Variants in OLFM3 observed in about 807,000 individuals in gnomAD.
OLFM3 encodes noelin-3.
In OLFM3, 20 loss-of-function variants were observed where a neutral mutation model predicts 48.6. That is an observed-to-expected ratio of 0.41 (90% CI 0.29 to 0.60). The LOEUF (loss-of-function observed/expected upper bound fraction) is 0.60. Ranked by LOEUF, OLFM3 falls within the 20% of genes least tolerant of loss-of-function variation. The probability of loss-of-function intolerance (pLI) is 0.28; values close to 1 mark genes in which losing one functional copy is unlikely to be tolerated. For synonymous variants in OLFM3, 222 were observed against 198.1 expected (o/e 1.12, Z -1.01); for missense variants, 437 against 544.3 (o/e 0.80, Z 1.96).
chr1:101,948,452 T>TGAGA (rs141817550), intron 1 of OLFM3, among the ~76,000 whole-genome samples: 15,219 of 149,908 alleles, frequency 0.1, 1,063 homozygotes, highest in Non-Finnish European at 0.16. Context: ...AAGACTTGTA[T>TGAGA]GAGAGAGAGA....
chr1:101,847,992 T>C (rs577483556), intron 1 of OLFM3, among the ~76,000 whole-genome samples: 1 of 152,228 alleles, frequency 6.6e-6, no homozygotes, highest in South Asian at 2.1e-4. Context: ...CTCTCCAAGG[T>C]CCCTTCCAGC....
intron 1 of OLFM3, among the ~76,000 whole-genome samples, chr1:101,958,546 C>T (rs1381189987): frequency 6.6e-6 from 1 of 152,054 alleles, no homozygotes; most frequent in African/African-American, 2.4e-5. Context: ...TACAGATTAG[C>T]TGCATCGTAA....
At chr1:101,996,554 G>C (rs1661564178) in intron 1 of OLFM3, among the ~76,000 whole-genome samples, 194 bp downstream of exon 1, 1 of 152,076 alleles carries the variant, frequency 6.6e-6, no homozygotes, top group Non-Finnish European at 1.5e-5. Context: ...CCGCGCAGTA[G>C]GACTCTACCT....
chr1:101,905,178 T>G (rs746955393), intron 1 of OLFM3, among the ~76,000 whole-genome samples: 3 of 152,168 alleles, frequency 2.0e-5, no homozygotes, highest in Non-Finnish European at 2.9e-5. Flanking sequence ...TGTACATTCT[T>G]GGACAGTCAA....
At chr1:101,979,735 C>A (rs1033782898) in intron 1 of OLFM3, among the ~76,000 whole-genome samples, 1 of 152,202 alleles carries the variant, frequency 6.6e-6, no homozygotes, top group Non-Finnish European at 1.5e-5. Flanking sequence ...GACACAGAGT[C>A]TCTACTGGGG....
At chr1:101,926,919 A>T (rs937474150) in intron 1 of OLFM3, among the ~76,000 whole-genome samples, 1 of 152,162 alleles carries the variant, frequency 6.6e-6, no homozygotes, top group African/African-American at 2.4e-5. Context: ...TACTACTAGC[A>T]TTACCTTCTG....
At chr1:101,956,538 G>A (rs1660303641) in intron 1 of OLFM3, among the ~76,000 whole-genome samples, 1 of 151,600 alleles carries the variant, frequency 6.6e-6, no homozygotes, top group Non-Finnish European at 1.5e-5. Context: ...TATCCTTTTT[G>A]TTCTTTGACA....
At chr1:101,854,174 A>T (rs1324571464) in intron 1 of OLFM3, among the ~76,000 whole-genome samples, 1 of 148,848 alleles carries the variant, frequency 6.7e-6, no homozygotes, top group Non-Finnish European at 1.5e-5. Flanking sequence ...TTAAAAAAAA[A>T]TGGTTTAGAG....
At chr1:101,983,545 C>T (rs750857418) in intron 1 of OLFM3, among the ~76,000 whole-genome samples, 1 of 152,152 alleles carries the variant, frequency 6.6e-6, no homozygotes, top group Non-Finnish European at 1.5e-5. Context: ...ATGTCCAACT[C>T]CTAAACTAGT....
intron 1 of OLFM3, among the ~76,000 whole-genome samples, chr1:101,994,612 A>G (rs912675791): frequency 3.4e-5 from 5 of 148,638 alleles, no homozygotes; most frequent in African/African-American, 1.2e-4. Context: ...ATAAATATAA[A>G]TATATAATAT....
intron 1 of OLFM3, among the ~76,000 whole-genome samples, chr1:101,885,445 A>T (rs867726405): frequency 6.6e-6 from 1 of 152,174 alleles, no homozygotes; most frequent in Non-Finnish European, 1.5e-5. Flanking sequence ...ATAAATGAAA[A>T]AGCAAAAGTT....
intron 1 of OLFM3, among the ~76,000 whole-genome samples, chr1:101,840,270 G>A (rs1257727144): frequency 6.6e-6 from 1 of 152,114 alleles, no homozygotes; most frequent in East Asian, 1.9e-4. Flanking sequence ...GTTCATATGT[G>A]CTATTGCTTT....
chr1:101,813,800 A>C (rs1654195881), intron 4 of OLFM3, among the ~76,000 whole-genome samples: 1 of 152,116 alleles, frequency 6.6e-6, no homozygotes, highest in African/African-American at 2.4e-5. Context: ...CACAACTTTT[A>C]TTCCTGGAGT....
intron 1 of OLFM3, among the ~76,000 whole-genome samples, chr1:101,855,144 A>G (rs1337416084): frequency 6.6e-6 from 1 of 152,078 alleles, no homozygotes; most frequent in Non-Finnish European, 1.5e-5. Context: ...GACTTCAAAC[A>G]TTCTAGAAAG....
chr1:101,939,980 A>T (rs1659737488), intron 1 of OLFM3, among the ~76,000 whole-genome samples: 1 of 151,228 alleles, frequency 6.6e-6, no homozygotes, highest in Admixed American at 6.6e-5. Flanking sequence ...TTCAGAACCT[A>T]TAAAATTATG....
intron 1 of OLFM3, among the ~76,000 whole-genome samples, chr1:101,994,806 A>T (rs1661514440): frequency 6.6e-6 from 1 of 151,960 alleles, no homozygotes; most frequent in Non-Finnish European, 1.5e-5. Flanking sequence ...GTATTGCAGT[A>T]TGTGGAAGCT....
chr1:101,855,575 C>T (rs1656381223), intron 1 of OLFM3, among the ~76,000 whole-genome samples: 1 of 152,006 alleles, frequency 6.6e-6, no homozygotes, highest in African/African-American at 2.4e-5. Flanking sequence ...TCAGTGAGTG[C>T]TAAAAGCTAA....
intron 1 of OLFM3, among the ~76,000 whole-genome samples, chr1:101,869,143 T>G (rs1656972828): frequency 6.6e-6 from 1 of 152,138 alleles, no homozygotes; most frequent in South Asian, 2.1e-4. Flanking sequence ...ATGGTCACCA[T>G]CCTCCAGACC....
At chr1:101,897,186 G>T (rs1658237928) in intron 1 of OLFM3, among the ~76,000 whole-genome samples, 1 of 151,918 alleles carries the variant, frequency 6.6e-6, no homozygotes. Flanking sequence ...AATATTGAAA[G>T]AAATCAAATG....
Sources: allele counts gnomAD v4.1 joint callset (sites outside exome capture counted in the v4.1 genomes callset), GRCh38; gene constraint gnomAD v4.1.1; transcripts MANE v1.5; gene names NCBI Gene and HGNC (gene_info 2026-07-23, HGNC 2026-07-21).